NRIP1: variants seen among roughly 807,000 people sequenced by gnomAD.
NRIP1 encodes nuclear receptor interacting protein 1.
Under a neutral mutation model 75.0 loss-of-function variants are expected in NRIP1, and 28 were observed. The ratio of observed to expected loss-of-function variants is 0.37; its 90% confidence interval spans 0.28 to 0.51. The LOEUF (loss-of-function observed/expected upper bound fraction) is 0.51, where lower values mean the gene tolerates loss of function less well. Ranked by LOEUF, NRIP1 falls within the 20% of genes least tolerant of loss-of-function variation. The probability of loss-of-function intolerance (pLI) is 0.92; values close to 1 mark genes in which losing one functional copy is unlikely to be tolerated. For synonymous variants in NRIP1, 526 were observed against 487.6 expected (o/e 1.08, Z -1.04); for missense variants, 1,435 against 1,343.7 (o/e 1.07, Z -1.06).
chr21:15,052,699 G>A (rs920261499), intron 1 of NRIP1, among the ~76,000 whole-genome samples: 1 of 152,090 alleles, frequency 6.6e-6, no homozygotes, highest in South Asian at 2.1e-4. Flanking sequence ...CATATGAATT[G>A]CTGCTCACAT....
In NRIP1 at chr21:14,967,286, T is replaced by C; in HGVS notation, c.907A>G (p.Arg303Gly). The change falls in exon 4 of 4, where the codon AGA (arginine) becomes GGA (glycine). Residue 303 changes from arginine to glycine, a missense_variant. Transcript: ENST00000318948. ...AASERLAAMARLQENGQKDVG... is the reference protein window; with the variant it reads ...AASERLAAMAGLQENGQKDVG... ...TCCTTCTGGCCATTTTCTTGCAATC[T>C]GGCCATAGCAGCAAGTCTTTCACTT... is the stretch of plus-strand genomic sequence containing the variant. 6.2e-7 allele frequency: 1 copy of C among 1,614,034 alleles called. No homozygotes were observed. The highest frequency in any genetic ancestry group is 8.5e-7 in the Non-Finnish European group (1 of 1,179,982).
intron 3 of NRIP1, among the ~76,000 whole-genome samples, chr21:14,983,557 T>C (rs1167836563): frequency 6.6e-6 from 1 of 152,076 alleles, no homozygotes; most frequent in East Asian, 1.9e-4. Context: ...ATGATGAAGG[T>C]GGTTACACTA....
rs988662603 is a variant in NRIP1, at chr21:14,980,540, T to C, written c.-334-12014A>G. ...TATATGCAATTATCTAACAAAATCATGCCTTTTGTTTTAGCTGTTTAAACA... is the reference window on the plus strand; with the variant it reads ...TATATGCAATTATCTAACAAAATCACGCCTTTTGTTTTAGCTGTTTAAACA... On this transcript the variant is annotated intron_variant, in intron 3 of 3. Transcript: ENST00000318948. Among the ~76,000 whole-genome samples, 9 of 151,574 alleles carry C rather than the reference T, an allele frequency of 5.9e-5. No homozygotes were observed. In the South Asian group the frequency reaches 6.2e-4, roughly 10 times the overall value.
intron 2 of NRIP1, among the ~76,000 whole-genome samples, chr21:15,025,509 T>G (rs1170265102): frequency 6.6e-6 from 1 of 151,918 alleles, no homozygotes; most frequent in Non-Finnish European, 1.5e-5. Flanking sequence ...TACAAATAAA[T>G]TAACTAAAAC....
At position 14,967,922 on chromosome 21, in the gene NRIP1, C is replaced by T; in HGVS notation, c.271G>A (p.Glu91Lys). 1.2e-6 allele frequency: 2 copies of T among 1,614,118 alleles called. No homozygotes were observed. The highest frequency in any genetic ancestry group is 1.7e-6 in the Non-Finnish European group (2 of 1,180,022). ...LKKARLLQSS[E>K]DWNAAKRKRL... is the part of the protein sequence containing the mutation. ...TTCCGCTTTGCTGCATTCCAGTCCTCAGAAGACTGCAACAGTCTGGCTTTT... is the reference window on the plus strand; with the variant it reads ...TTCCGCTTTGCTGCATTCCAGTCCTTAGAAGACTGCAACAGTCTGGCTTTT... Residue 91 changes from glutamate to lysine, a missense_variant, in exon 4 of 4, where the codon GAG becomes AAG. Physicochemically the swap from Glu to Lys is moderately conservative, Grantham distance 56. Transcript: ENST00000318948.
In NRIP1 at chr21:15,011,198, CT is replaced by C. The variant is rs779014818; in HGVS notation, c.-335+3145del. Among the ~76,000 whole-genome samples, 59 of 151,612 alleles carry C rather than the reference CT, an allele frequency of 3.9e-4. 1 individual carries two copies. The highest frequency in any genetic ancestry group is 1.4e-3 in the African/African-American group (56 of 41,392). On this transcript the variant is annotated intron_variant, in intron 3 of 3. Transcript: ENST00000318948. ...GTAACCCAGCTCATCAGTACTGGCACTTTTTTTTTGAGATGGAGTCTTGCTC... is the reference window on the plus strand; with the variant it reads ...GTAACCCAGCTCATCAGTACTGGCACTTTTTTTTGAGATGGAGTCTTGCTC...
rs1454522336 is a variant in NRIP1, at chr21:14,962,127, T to A, written c.*2589A>T. 6.6e-6 allele frequency: 1 copy of A among 150,536 alleles called. No homozygotes were observed. The highest frequency in any genetic ancestry group is 1.5e-5 in the Non-Finnish European group (1 of 67,544). 9.3% of individuals were successfully genotyped at this position (150,536 alleles called of 1,614,324 possible). A position where few individuals can be genotyped will look rare whatever the true frequency, so the allele number is the denominator to read the frequency against. On this transcript the variant is annotated 3_prime_UTR_variant, in exon 4 of 4. Coordinates refer to ENST00000318948, the MANE Select transcript of NRIP1 (RefSeq NM_003489.4). ...ATGAATGCTACCTTACTGATGTCAA[T>A]AAGCTGTAGTACCCTTTCACAAATG...
intron 2 of NRIP1, among the ~76,000 whole-genome samples, chr21:15,033,552 T>C (rs1244308243): frequency 1.3e-5 from 2 of 152,218 alleles, no homozygotes; most frequent in African/African-American, 4.8e-5. Flanking sequence ...GCCTCAAGTA[T>C]ACTTCTATAC....
At chr21:15,017,615 C>A (rs900437936) in intron 2 of NRIP1, among the ~76,000 whole-genome samples, 11 of 152,076 alleles carry the variant, frequency 7.2e-5, no homozygotes, top group Non-Finnish European at 1.5e-4. Flanking sequence ...CCCCAAATCA[C>A]AAAGTCAATA....
At chr21:15,005,493 C>T (rs1257935255) in intron 3 of NRIP1, among the ~76,000 whole-genome samples, 4 of 152,046 alleles carry the variant, frequency 2.6e-5, no homozygotes, top group Non-Finnish European at 4.4e-5. Context: ...TGTCACAGGG[C>T]GGGTTAGTGT....
At chr21:15,016,945 A>AG (rs1331578453) in intron 2 of NRIP1, among the ~76,000 whole-genome samples, 2 of 151,878 alleles carry the variant, frequency 1.3e-5, no homozygotes, top group Non-Finnish European at 2.9e-5. Context: ...AAAGAAAGAA[A>AG]AGAAGAAAGA....
At chr21:14,977,747 A>G (rs922298824) in intron 3 of NRIP1, among the ~76,000 whole-genome samples, 1 of 152,244 alleles carries the variant, frequency 6.6e-6, no homozygotes, top group Non-Finnish European at 1.5e-5. Context: ...ATGTCTTTTA[A>G]GGGAATCTGA....
chr21:14,972,031 TAA>T (rs900778708), intron 3 of NRIP1, among the ~76,000 whole-genome samples: 26 of 152,302 alleles, frequency 1.7e-4, no homozygotes, highest in African/African-American at 6.3e-4. Context: ...GATAAATCTG[TAA>T]ATCAAAGATT....
intron 3 of NRIP1, among the ~76,000 whole-genome samples, chr21:14,999,005 C>A (rs936917735): frequency 3.3e-5 from 5 of 152,154 alleles, no homozygotes; most frequent in African/African-American, 4.8e-5. Context: ...TGTGAACTCT[C>A]GTAGAAAGAG....
chr21:15,024,857 A>G (rs557131928), intron 2 of NRIP1, among the ~76,000 whole-genome samples: 2 of 152,340 alleles, frequency 1.3e-5, no homozygotes, highest in East Asian at 1.9e-4. Context: ...AATGTACGAA[A>G]GGTATGAACT....
At chr21:15,027,083 T>C (rs1253193810) in intron 2 of NRIP1, among the ~76,000 whole-genome samples, 1 of 152,168 alleles carries the variant, frequency 6.6e-6, no homozygotes, top group Non-Finnish European at 1.5e-5. Flanking sequence ...TCATACAGAA[T>C]GCTACCATTT....
At chr21:14,970,236 T>C (rs1453073564) in intron 3 of NRIP1, among the ~76,000 whole-genome samples, 2 of 152,078 alleles carry the variant, frequency 1.3e-5, no homozygotes, top group African/African-American at 2.4e-5. Context: ...GAAACCCAGT[T>C]TTCTAATTCT....
At chr21:15,052,957 A>G (rs1239860272) in intron 1 of NRIP1, among the ~76,000 whole-genome samples, 1 of 152,208 alleles carries the variant, frequency 6.6e-6, no homozygotes, top group Non-Finnish European at 1.5e-5. Context: ...GTATAAAGAA[A>G]TCCATATTAA....
chr21:14,999,433 T>A lies in NRIP1; in HGVS notation c.-335+14911A>T, dbSNP rs188911888. ...GTGTATGAGTTTGCTTTGATTTATGTTCTATTTGGTTATAAACTTTACTGC... is the reference window on the plus strand; with the variant it reads ...GTGTATGAGTTTGCTTTGATTTATGATCTATTTGGTTATAAACTTTACTGC... On this transcript the variant is annotated intron_variant, in intron 3 of 3. Transcript: ENST00000318948. Among the ~76,000 whole-genome samples, 949 of 152,326 alleles carry A rather than the reference T, an allele frequency of 6.2e-3. 8 individuals are homozygous for A. Among genetic ancestry groups the A allele is most frequent in the African/African-American group, 0.021 (891 of 41,578 alleles).
Sources: gnomAD v4.1 joint callset for allele counts (sites outside exome capture counted in the v4.1 genomes callset) on GRCh38, gnomAD v4.1.1 for gene constraint, MANE v1.5 for transcripts, NCBI Gene and HGNC (gene_info 2026-07-23, HGNC 2026-07-21) for gene names.